Variants in EFCAB6 observed in about 807,000 individuals in gnomAD.
EFCAB6 encodes EF-hand calcium-binding domain-containing protein 6.
EFCAB6 carries 156 observed loss-of-function variants against 169.8 expected under a neutral mutation model. The ratio of observed to expected loss-of-function variants is 0.92; its 90% CI spans 0.81 to 1.05. EFCAB6 has a LOEUF of 1.05. Ranked by LOEUF, EFCAB6 falls within the 50% of genes least tolerant of loss-of-function variation. The pLI, the probability that EFCAB6 is intolerant of heterozygous loss-of-function variation, is 0.00. For missense variants in EFCAB6, 1,800 were observed against 1,829.1 expected (o/e 0.98, Z 0.29); for synonymous variants, 698 against 676.4 (o/e 1.03, Z -0.50).
intron 25 of EFCAB6, among the ~76,000 whole-genome samples, chr22:43,576,775 G>A (rs1363645097): frequency 2.0e-5 from 3 of 152,144 alleles, no homozygotes; most frequent in South Asian, 2.1e-4. Context: ...CCAAGCACCC[G>A]TAACCTTCCT....
chr22:43,626,630 A>G lies in EFCAB6; in HGVS notation c.2282T>C (p.Ile761Thr), dbSNP rs905689935. 10 of 1,614,066 alleles carry G rather than the reference A, an allele frequency of 6.2e-6. No individual in the cohort carries two copies. In the African/African-American group the frequency reaches 1.1e-4, roughly 17 times the overall value. Residue 761 changes from isoleucine (I) to threonine (T), a missense_variant, in exon 20 of 32, where the codon ATC becomes ACC. Ile to Thr is a moderately conservative substitution (Grantham distance 89). Coordinates refer to ENST00000262726, the MANE Select transcript of EFCAB6 (RefSeq NM_022785.4). ...CAGTCTGTGAAGGTCATGCATGTTG[A>G]TTATGCCATCCCTGTCAGCATCTGT... ...FKTDADRDGIINMHDLHRLLL... is the reference protein window; with the variant it reads ...FKTDADRDGITNMHDLHRLLL...
chr22:43,586,280 A>G (rs377752330), intron 24 of EFCAB6, among the ~76,000 whole-genome samples: 18 of 147,318 alleles, frequency 1.2e-4, no homozygotes, highest in East Asian at 5.9e-4. Flanking sequence ...GTATTATGTT[A>G]CTTAAAGGTG....
At chr22:43,775,282 C>T (rs780181671) in intron 3 of EFCAB6, among the ~76,000 whole-genome samples, 2 of 152,088 alleles carry the variant, frequency 1.3e-5, no homozygotes, top group Admixed American at 6.5e-5. Context: ...GATCTCCCAA[C>T]ACAATATCAT....
At chr22:43,737,307 C>T (rs1486283489) in intron 6 of EFCAB6, among the ~76,000 whole-genome samples, 1 of 152,074 alleles carries the variant, frequency 6.6e-6, no homozygotes, top group African/African-American at 2.4e-5. Context: ...TACATGCACA[C>T]ACACCATCAC....
chr22:43,556,379 G>A (rs1202949329), intron 26 of EFCAB6, among the ~76,000 whole-genome samples: 1 of 152,160 alleles, frequency 6.6e-6, no homozygotes, highest in Admixed American at 6.5e-5. Flanking sequence ...GACACGCGTG[G>A]GAGTCGGGAA....
chr22:43,648,007 C>T (rs2056271246), intron 17 of EFCAB6, among the ~76,000 whole-genome samples: 1 of 152,170 alleles, frequency 6.6e-6, no homozygotes, highest in Non-Finnish European at 1.5e-5. Flanking sequence ...TTTGTTATAA[C>T]TGCCCTAGGA....
intron 24 of EFCAB6, among the ~76,000 whole-genome samples, chr22:43,585,833 G>C (rs1391214573): frequency 6.6e-6 from 1 of 152,176 alleles, no homozygotes; most frequent in East Asian, 1.9e-4. Context: ...CTTCTTGCCA[G>C]AAATCATGCA....
chr22:43,647,765 A>G (rs2056254392), intron 17 of EFCAB6, among the ~76,000 whole-genome samples: 1 of 152,190 alleles, frequency 6.6e-6, no homozygotes, highest in Non-Finnish European at 1.5e-5. Context: ...CAAAGAAGAA[A>G]GAGACCAAAG....
At chr22:43,766,806 G>A (rs1036401958) in intron 4 of EFCAB6, among the ~76,000 whole-genome samples, 6 of 152,124 alleles carry the variant, frequency 3.9e-5, no homozygotes, top group African/African-American at 1.4e-4. Flanking sequence ...GAGCCAATGT[G>A]CCTGGCCTAT....
At chr22:43,717,753 T>C (rs1250369385) in intron 8 of EFCAB6, among the ~76,000 whole-genome samples, 11 of 152,146 alleles carry the variant, frequency 7.2e-5, no homozygotes, top group African/African-American at 1.4e-4. Flanking sequence ...TAGAGTTTTG[T>C]ACTCATGGCA....
At chr22:43,734,596 C>A (rs1656194960) in intron 7 of EFCAB6, among the ~76,000 whole-genome samples, 2 of 152,114 alleles carry the variant, frequency 1.3e-5, no homozygotes, top group Admixed American at 1.3e-4. Context: ...AAGAGTGCTG[C>A]CTCTGTTCTA....
At chr22:43,641,458 A>G (rs2055793333) in intron 17 of EFCAB6, among the ~76,000 whole-genome samples, 1 of 152,094 alleles carries the variant, frequency 6.6e-6, no homozygotes, top group Admixed American at 6.5e-5. Context: ...TCTACTGAAA[A>G]TACATAAATT....
At chr22:43,748,099 CGAT>C (rs1198774022) in intron 6 of EFCAB6, among the ~76,000 whole-genome samples, 3 of 152,152 alleles carry the variant, frequency 2.0e-5, no homozygotes, top group Non-Finnish European at 4.4e-5. Context: ...CAAATGCAGA[CGAT>C]GATGGTAAGA....
intron 6 of EFCAB6, among the ~76,000 whole-genome samples, chr22:43,746,880 T>C (rs1569465648): frequency 6.6e-6 from 1 of 152,234 alleles, no homozygotes; most frequent in Non-Finnish European, 1.5e-5. Context: ...GCCAAGAATC[T>C]TGGGGCCCCT....
In EFCAB6 at chr22:43,687,565, T is replaced by G; in HGVS notation, c.1048A>C (p.Thr350Pro). The stretch of plus-strand genomic sequence containing the variant: ...AATTGCTTCCAATTGATTTTAGTGG[T>G]GGCTTTAAGTCCAAATCTGGATTTA... ...QLMKRFGLKA[T>P]TKINWKQFLT... Residue 350 changes from threonine (T) to proline (P), a missense_variant, in exon 11 of 32, where the codon ACC (threonine) becomes CCC (proline). By Grantham distance (38) the Thr-to-Pro change is conservative. Transcript: ENST00000262726. The G allele has an allele frequency of 1.9e-6, 3 of 1,598,456 alleles. No homozygotes were observed. Among genetic ancestry groups the G allele is most frequent in the Non-Finnish European group, 2.6e-6 (3 of 1,173,572 alleles).
intron 23 of EFCAB6, among the ~76,000 whole-genome samples, chr22:43,594,300 A>G (rs1393101858): frequency 6.7e-6 from 1 of 148,268 alleles, no homozygotes; most frequent in African/African-American, 2.5e-5. Flanking sequence ...AAAAAAAAAG[A>G]AAAGACATGA....
At chr22:43,674,854 A>G (rs923851161) in intron 13 of EFCAB6, among the ~76,000 whole-genome samples, 11 of 152,252 alleles carry the variant, frequency 7.2e-5, no homozygotes, top group African/African-American at 2.2e-4. Flanking sequence ...TGGAGGCAAG[A>G]GTCGACCGCA....
chr22:43,811,492 A>C (rs1267996831), intron 1 of EFCAB6, among the ~76,000 whole-genome samples: 7 of 152,190 alleles, frequency 4.6e-5, no homozygotes, highest in African/African-American at 7.2e-5. Flanking sequence ...AAGGGAGTAG[A>C]GAGAGGGGTG....
intron 20 of EFCAB6, among the ~76,000 whole-genome samples, chr22:43,623,649 A>G (rs2054263509): frequency 6.7e-6 from 1 of 150,350 alleles, no homozygotes; most frequent in African/African-American, 2.5e-5. Context: ...TAATCCCAGC[A>G]CTTTGGGAGG....
Sources: gnomAD v4.1 joint callset for allele counts (sites outside exome capture counted in the v4.1 genomes callset) on GRCh38, gnomAD v4.1.1 for gene constraint, MANE v1.5 for transcripts, NCBI Gene and HGNC (gene_info 2026-07-23, HGNC 2026-07-21) for gene names.